NUP188: variants seen among roughly 807,000 people sequenced by gnomAD.
NUP188 encodes the protein nucleoporin NUP188.
NUP188 carries 97 observed loss-of-function variants against 223.0 expected under a neutral mutation model. The observed-to-expected ratio is 0.43, with a 90% confidence interval of 0.37 to 0.51. NUP188 has a LOEUF of 0.51. NUP188 is among the 20% of genes least tolerant of loss of function. NUP188 has a pLI of 0.00. For synonymous variants in NUP188, 869 were observed against 828.0 expected (o/e 1.05, Z -0.85); for missense variants, 1,947 against 2,175.6 (o/e 0.89, Z 2.09).
chr9:128,994,748 G>T (rs1842490158), intron 28 of NUP188, 108 bp from the exon 29 acceptor site: 1 of 922,574 alleles, frequency 1.1e-6, no homozygotes, highest in East Asian at 2.4e-5. Flanking sequence ...CAGGGGTTGT[G>T]CTAACTTGTT....
chr9:128,992,535 A>T (rs1045420486), intron 25 of NUP188, among the ~76,000 whole-genome samples: 2 of 152,130 alleles, frequency 1.3e-5, no homozygotes, highest in African/African-American at 4.8e-5. Flanking sequence ...ACTTGATACC[A>T]TATCAGGCAG....
chr9:128,951,910 A>G (rs1159888956), intron 2 of NUP188, among the ~76,000 whole-genome samples: 1 of 151,092 alleles, frequency 6.6e-6, no homozygotes, highest in East Asian at 2.0e-4. Context: ...CTCCTGCCTC[A>G]GCCTCCCGAG....
chr9:128,972,985 C>T (rs953020066), intron 11 of NUP188, among the ~76,000 whole-genome samples, 175 bp from the exon 12 acceptor site: 2 of 152,290 alleles, frequency 1.3e-5, no homozygotes, highest in Admixed American at 1.3e-4. Context: ...GTGGTTCCTG[C>T]TTTCTCTTTT....
intron 34 of NUP188, 64 bp from the exon 35 acceptor site, chr9:129,001,465 G>T: frequency 2.0e-6 from 3 of 1,533,874 alleles, no homozygotes; most frequent in Non-Finnish European, 2.7e-6. Context: ...GCCCACCGCT[G>T]CCTGTCGTCC....
At chr9:128,999,559 A>C in intron 33 of NUP188, 65 bp from the exon 34 acceptor site, 1 of 1,524,990 alleles carries the variant, frequency 6.6e-7, no homozygotes, top group Non-Finnish European at 9.0e-7. Flanking sequence ...TAGGAAGGAA[A>C]CCTTGGTGTA....
At chr9:128,965,732 C>T (rs945119032) in intron 8 of NUP188, among the ~76,000 whole-genome samples, 1 of 151,570 alleles carries the variant, frequency 6.6e-6, no homozygotes, top group Non-Finnish European at 1.5e-5. Flanking sequence ...GGATTATAGA[C>T]GTGAGCCACC....
At chr9:128,953,733 G>A (rs1242046478) in intron 3 of NUP188, among the ~76,000 whole-genome samples, 1 of 152,066 alleles carries the variant, frequency 6.6e-6, no homozygotes. Context: ...TTACCAGTGG[G>A]GAAACTGAGG....
chr9:128,987,084 AGAGAGT>A (rs746750680), intron 22 of NUP188, among the ~76,000 whole-genome samples: 61 of 128,226 alleles, frequency 4.8e-4, no homozygotes, highest in Admixed American at 2.3e-3. Flanking sequence ...AGAGAGAGAG[AGAGAGT>A]GTGTGTGTGT....
At chr9:128,996,242 C>T (rs996538550) in intron 30 of NUP188, among the ~76,000 whole-genome samples, 50 of 151,932 alleles carry the variant, frequency 3.3e-4, no homozygotes, top group Non-Finnish European at 6.2e-4. Context: ...CTCCGCCTTC[C>T]GGGTTCAAGG....
chr9:128,994,085 C>T (rs1199063590), intron 27 of NUP188, among the ~76,000 whole-genome samples: 1 of 152,176 alleles, frequency 6.6e-6, no homozygotes, highest in East Asian at 1.9e-4. Flanking sequence ...AGTCTGCTGT[C>T]TTATTTCCCT....
Position 128,970,920 on chromosome 9 carries a change from A to T in NUP188, c.1075A>T (p.Thr359Ser), listed in dbSNP as rs199628868. Reference sequence around the variant, plus strand: ...CCAGCTGAATGTGTTTCAGTACTTGACCCGATTGCTCCAGTCCCTTGCCAG... The same window carrying T: ...CCAGCTGAATGTGTTTCAGTACTTGTCCCGATTGCTCCAGTCCCTTGCCAG... ...AIQLNVFQYL[T>S]RLLQSLASGG... is the part of the protein sequence containing the mutation. Residue 359 changes from threonine (T) to serine (S), a missense_variant, in exon 11 of 44, where the codon ACC (threonine) becomes TCC (serine). Thr to Ser is a moderately conservative substitution (Grantham distance 58). This residue lies in a region of NUP188 where 817 missense variants were observed against 865.8 expected (regional missense o/e 0.94). Transcript: ENST00000372577. The T allele has an allele frequency of 9.3e-5, 150 of 1,613,846 alleles. 1 individual carries two copies. Among genetic ancestry groups the T allele is most frequent in the Non-Finnish European group, 1.2e-4 (144 of 1,179,990 alleles).
chr9:128,983,288 A>G lies in NUP188; in HGVS notation c.1797-5A>G. 1 of 1,613,300 alleles carries G rather than the reference A, an allele frequency of 6.2e-7. No homozygotes were observed. Among genetic ancestry groups the G allele is most frequent in the Non-Finnish European group, 8.5e-7 (1 of 1,179,334 alleles). On this transcript the variant is annotated splice_polypyrimidine_tract_variant and splice_region_variant and intron_variant, in intron 17 of 43. Coordinates refer to ENST00000372577, the MANE Select transcript of NUP188 (RefSeq NM_015354.3). Reference sequence around the variant, plus strand: ...ATTGAGTATAGTGTATTGTTCTCCAACCAGGTTAACGACAGTGATCTCCCC... The same window carrying G: ...ATTGAGTATAGTGTATTGTTCTCCAGCCAGGTTAACGACAGTGATCTCCCC...
intron 37 of NUP188, 124 bp downstream of exon 37, chr9:129,003,099 T>C (rs2302810): frequency 0.37 from 432,442 of 1,183,072 alleles, 83,305 homozygotes; most frequent in Admixed American, 0.41. Context: ...GCCTTCATTT[T>C]TGAGATGCTC....
chr9:128,982,403 C>T, intron 15 of NUP188, 146 bp from the exon 16 acceptor site: 3 of 704,556 alleles, frequency 4.3e-6, no homozygotes, highest in Non-Finnish European at 6.9e-6. Flanking sequence ...GCACTCCAGC[C>T]TGGGCAAGAG....
At chr9:128,975,160 C>T (rs1332623260) in intron 12 of NUP188, among the ~76,000 whole-genome samples, 3 of 149,220 alleles carry the variant, frequency 2.0e-5, no homozygotes, top group Non-Finnish European at 3.0e-5. Flanking sequence ...CTGTTGCTTT[C>T]TTGTCTTTTT....
chr9:128,985,084 A>G, intron 20 of NUP188, 70 bp downstream of exon 20: 1 of 1,077,682 alleles, frequency 9.3e-7, no homozygotes, highest in Non-Finnish European at 1.4e-6. Flanking sequence ...ACTCTGAAAT[A>G]GTTTCCCTGG....
At chr9:128,980,090 A>C (rs1006582814) in intron 13 of NUP188, among the ~76,000 whole-genome samples, 2 of 152,176 alleles carry the variant, frequency 1.3e-5, no homozygotes, top group African/African-American at 4.8e-5. Flanking sequence ...GAAAAGAACA[A>C]TTTCTCACCA....
intron 20 of NUP188, 94 bp downstream of exon 20, chr9:128,985,108 A>G (rs1842315706): frequency 3.6e-6 from 3 of 842,042 alleles, no homozygotes; most frequent in Non-Finnish European, 5.8e-6. Context: ...CTGGTGCTGT[A>G]ATCTTCTTGT....
Position 128,981,271 on chromosome 9 carries a change from G to A in NUP188, c.1397G>A (p.Ser466Asn), listed in dbSNP as rs747084096. ...SGKSTAKKVY[S>N]FLDKMSFYNE... Reference sequence around the variant, plus strand: ...TTTTTTCTGTTTTGGCAGGTGTATAGCTTCTTGGATAAGATGTCTTTCTAC... The same window carrying A: ...TTTTTTCTGTTTTGGCAGGTGTATAACTTCTTGGATAAGATGTCTTTCTAC... Residue 466 changes from serine to asparagine, a missense_variant, in exon 15 of 44, where the codon AGC (serine) becomes AAC (asparagine). Coordinates refer to ENST00000372577, the MANE Select transcript of NUP188 (RefSeq NM_015354.3). 8 of 1,613,684 alleles carry A rather than the reference G, an allele frequency of 5.0e-6. No individual in the cohort carries two copies. Among genetic ancestry groups the A allele is most frequent in the Non-Finnish European group, 5.9e-6 (7 of 1,179,860 alleles).
Sources: gnomAD v4.1 joint callset for allele counts (sites outside exome capture counted in the v4.1 genomes callset) on GRCh38, gnomAD v4.1.1 for gene constraint, gnomAD v4.1.1 regional missense constraint, MANE v1.5 for transcripts, NCBI Gene and HGNC (gene_info 2026-07-23, HGNC 2026-07-21) for gene names.